Variants in PCDH9 observed in about 807,000 individuals in gnomAD.
The protein encoded by PCDH9 is protocadherin 9.
Under a neutral mutation model 70.6 loss-of-function variants are expected in PCDH9, and 24 were observed. The ratio of observed to expected loss-of-function variants is 0.34; its 90% CI spans 0.25 to 0.48. PCDH9 has a LOEUF of 0.48. Ranked by LOEUF, PCDH9 falls within the 20% of genes least tolerant of loss-of-function variation. The pLI is 0.99. For missense variants in PCDH9, 1,281 were observed against 1,503.6 expected (o/e 0.85, Z 2.45); for synonymous variants, 562 against 558.5 (o/e 1.01, Z -0.09).
At chr13:67,174,266 T>G (rs534413979) in intron 2 of PCDH9, among the ~76,000 whole-genome samples, 1 of 151,310 alleles carries the variant, frequency 6.6e-6, no homozygotes, top group Non-Finnish European at 1.5e-5. Flanking sequence ...GATAGATAGA[T>G]AGATGATAGA....
At chr13:66,783,382 C>T (rs2080030506) in intron 3 of PCDH9, among the ~76,000 whole-genome samples, 8 of 152,106 alleles carry the variant, frequency 5.3e-5, no homozygotes, top group Admixed American at 5.2e-4. Context: ...CCAAGAAAGA[C>T]TAAGTCACCA....
At chr13:66,926,485 G>T (rs974284941) in intron 2 of PCDH9, among the ~76,000 whole-genome samples, 1 of 151,902 alleles carries the variant, frequency 6.6e-6, no homozygotes, top group Non-Finnish European at 1.5e-5. Flanking sequence ...GTGGATTAAC[G>T]TTTCTATTGC....
intron 3 of PCDH9, among the ~76,000 whole-genome samples, chr13:66,841,272 T>A (rs775373146): frequency 1.3e-5 from 2 of 152,146 alleles, no homozygotes; most frequent in African/African-American, 2.4e-5. Context: ...CATATAAAAG[T>A]CTTCTTGACA....
intron 2 of PCDH9, among the ~76,000 whole-genome samples, chr13:66,937,377 T>C (rs1330441556): frequency 6.6e-6 from 1 of 152,220 alleles, no homozygotes; most frequent in African/African-American, 2.4e-5. Flanking sequence ...TCGTTATATG[T>C]AGAATAGAAA....
At chr13:66,462,508 A>G (rs1197392537) in intron 4 of PCDH9, among the ~76,000 whole-genome samples, 3 of 151,842 alleles carry the variant, frequency 2.0e-5, no homozygotes, top group African/African-American at 2.4e-5. Context: ...TTTGTCTACA[A>G]CAATGGTTTC....
intron 2 of PCDH9, among the ~76,000 whole-genome samples, chr13:67,079,783 ATT>A (rs1309900152): frequency 1.3e-5 from 2 of 152,148 alleles, no homozygotes; most frequent in Non-Finnish European, 2.9e-5. Flanking sequence ...TTTTCCATGT[ATT>A]CTCTCTGAAG....
chr13:66,886,676 T>A (rs1356037969), intron 3 of PCDH9, among the ~76,000 whole-genome samples: 3 of 152,134 alleles, frequency 2.0e-5, no homozygotes, highest in Admixed American at 6.5e-5. Flanking sequence ...ATGAAAGAAA[T>A]CATAATGTTA....
At chr13:67,002,579 A>T (rs1382565044) in intron 2 of PCDH9, among the ~76,000 whole-genome samples, 1 of 151,912 alleles carries the variant, frequency 6.6e-6, no homozygotes, top group African/African-American at 2.4e-5. Context: ...GAAGATAAAA[A>T]AAAACCCTCA....
intron 3 of PCDH9, among the ~76,000 whole-genome samples, chr13:66,847,032 A>G (rs966001330): frequency 1.3e-5 from 2 of 152,176 alleles, no homozygotes; most frequent in East Asian, 3.8e-4. Flanking sequence ...AAATAAATAA[A>G]TATTAGAAAC....
chr13:67,060,520 A>T lies in PCDH9; in HGVS notation c.3037-156915T>A, dbSNP rs190487131. ...CTGTCATACCTAATCACTCTCTAAG[A>T]CCTGAGTATTGTTTTCACTTTGTTT... is the stretch of plus-strand genomic sequence containing the variant. On this transcript the variant is annotated intron_variant, in intron 2 of 4. Coordinates refer to ENST00000377865, the MANE Select transcript of PCDH9 (RefSeq NM_203487.3). Among the ~76,000 whole-genome samples, 44 of 152,036 alleles carry T rather than the reference A, an allele frequency of 2.9e-4. No individual in the cohort carries two copies. The Middle Eastern group carries it at 0.017, about 59-fold the overall frequency.
chr13:66,397,478 G>GTGTA lies in PCDH9; in HGVS notation c.3341-92451_3341-92450insTACA, dbSNP rs1555288820. On this transcript the variant is annotated intron_variant, in intron 4 of 4. Coordinates refer to ENST00000377865, the MANE Select transcript of PCDH9 (RefSeq NM_203487.3). ...TGTGTATATATATATGTGTGTGTGTGTATATATATATATGTATACACACAC... is the reference window on the plus strand; with the variant it reads ...TGTGTATATATATATGTGTGTGTGTGTGTATATATATATATATGTATACACACAC... 4.9e-3 allele frequency among the ~76,000 whole-genome samples: 724 copies of GTGTA among 147,790 alleles called. 2 individuals are homozygous for GTGTA. The highest frequency in any genetic ancestry group is 0.016 in the African/African-American group (663 of 40,288).
At chr13:66,439,169 G>C (rs1593981150) in intron 4 of PCDH9, among the ~76,000 whole-genome samples, 1 of 152,094 alleles carries the variant, frequency 6.6e-6, no homozygotes, top group Non-Finnish European at 1.5e-5. Context: ...CCCGTTTCTA[G>C]CCCAATCTTG....
intron 4 of PCDH9, among the ~76,000 whole-genome samples, chr13:66,625,471 T>C (rs2077485690): frequency 6.6e-6 from 1 of 152,152 alleles, no homozygotes; most frequent in Non-Finnish European, 1.5e-5. Flanking sequence ...AAATAATCTC[T>C]TTTTCATATC....
chr13:66,561,749 C>T (rs915056161), intron 4 of PCDH9, among the ~76,000 whole-genome samples: 1 of 151,960 alleles, frequency 6.6e-6, no homozygotes, highest in Admixed American at 6.6e-5. Context: ...GGATTGTAAA[C>T]GCACCAATCA....
chr13:66,787,694 T>C (rs967468839), intron 3 of PCDH9, among the ~76,000 whole-genome samples: 28 of 152,284 alleles, frequency 1.8e-4, no homozygotes, highest in African/African-American at 6.7e-4. Flanking sequence ...AATGATACTT[T>C]TGAATCATAA....
chr13:66,767,131 G>A (rs137954973), intron 3 of PCDH9, among the ~76,000 whole-genome samples: 5 of 152,038 alleles, frequency 3.3e-5, no homozygotes, highest in Admixed American at 1.3e-4. Flanking sequence ...GAAAGTTTGC[G>A]TCAATCTGAA....
intron 2 of PCDH9, among the ~76,000 whole-genome samples, chr13:66,961,785 G>T (rs1284741085): frequency 1.3e-5 from 2 of 152,068 alleles, no homozygotes; most frequent in Non-Finnish European, 2.9e-5. Flanking sequence ...AGGTGCGGTG[G>T]CTCATACCTG....
At chr13:66,847,229 G>C (rs1051145149) in intron 3 of PCDH9, among the ~76,000 whole-genome samples, 2 of 152,080 alleles carry the variant, frequency 1.3e-5, no homozygotes, top group Admixed American at 6.6e-5. Context: ...TAATAAAATT[G>C]ATTCCATAAT....
At chr13:66,646,269 AT>A (rs2077770003) in intron 3 of PCDH9, among the ~76,000 whole-genome samples, 1 of 152,234 alleles carries the variant, frequency 6.6e-6, no homozygotes, top group African/African-American at 2.4e-5. Context: ...TGGGTGCTTA[AT>A]AATGGTATCC....
Sources: gnomAD v4.1 joint callset for allele counts (sites outside exome capture counted in the v4.1 genomes callset) on GRCh38, gnomAD v4.1.1 for gene constraint, MANE v1.5 for transcripts, NCBI Gene and HGNC (gene_info 2026-07-23, HGNC 2026-07-21) for gene names.